Variants in FAT3 observed in about 807,000 individuals in gnomAD.
FAT3 encodes the protein FAT atypical cadherin 3, also known as protocadherin Fat 3.
Under a neutral mutation model 310.2 loss-of-function variants are expected in FAT3, and 95 were observed. The observed-to-expected ratio is 0.31, with a 90% CI of 0.26 to 0.36. The LOEUF (loss-of-function observed/expected upper bound fraction) is 0.36, where lower values mean the gene tolerates loss of function less well. FAT3 is among the 10% of genes least tolerant of loss of function. The probability of loss-of-function intolerance (pLI) is 1.00; values close to 1 mark genes in which losing one functional copy is unlikely to be tolerated. For synonymous variants in FAT3, 2,314 were observed against 2,192.9 expected (o/e 1.06, Z -1.54); for missense variants, 5,408 against 5,715.6 (o/e 0.95, Z 1.74).
At chr11:92,334,851 A>G (rs1198008172) in intron 1 of FAT3, among the ~76,000 whole-genome samples, 1 of 152,172 alleles carries the variant, frequency 6.6e-6, no homozygotes, top group East Asian at 1.9e-4. Flanking sequence ...GCTGACTCAG[A>G]TAAGAATTGG....
intron 1 of FAT3, among the ~76,000 whole-genome samples, chr11:92,343,323 AT>A (rs34180558): frequency 0.37 from 55,445 of 151,512 alleles, 14,864 homozygotes; most frequent in African/African-American, 0.76. Context: ...TTGGTTAGGG[AT>A]TTTTTTTTCC....
At chr11:92,372,421 G>A (rs1434465824) in intron 2 of FAT3, among the ~76,000 whole-genome samples, 1 of 151,582 alleles carries the variant, frequency 6.6e-6, no homozygotes, top group Non-Finnish European at 1.5e-5. Flanking sequence ...ATGCACTTTG[G>A]AAAGATTTTT....
At chr11:92,863,559 A>G (rs898440601) in intron 21 of FAT3, among the ~76,000 whole-genome samples, 1 of 152,222 alleles carries the variant, frequency 6.6e-6, no homozygotes, top group African/African-American at 2.4e-5. Context: ...TCAATTATGT[A>G]TTTCATTGAA....
chr11:92,876,095 C>A (rs1441992132), intron 22 of FAT3, among the ~76,000 whole-genome samples: 1 of 152,122 alleles, frequency 6.6e-6, no homozygotes, highest in Non-Finnish European at 1.5e-5. Flanking sequence ...AAGAAACTGT[C>A]AGAGGCTTGC....
At chr11:92,398,241 C>T (rs542341557) in intron 2 of FAT3, among the ~76,000 whole-genome samples, 19 of 152,206 alleles carry the variant, frequency 1.2e-4, no homozygotes, top group African/African-American at 4.3e-4. Context: ...CTTTTCACAC[C>T]TGTAATCCAA....
chr11:92,524,493 CATCTT>C (rs1953785875), intron 2 of FAT3, 136 bp from the exon 3 acceptor site: 6 of 674,922 alleles, frequency 8.9e-6, no homozygotes, highest in Non-Finnish European at 1.5e-5. Flanking sequence ...TAAAGAGTGA[CATCTT>C]AATTTAACCT....
At chr11:92,731,826 T>G (rs1945191412) in intron 4 of FAT3, among the ~76,000 whole-genome samples, 1 of 152,230 alleles carries the variant, frequency 6.6e-6, no homozygotes, top group Non-Finnish European at 1.5e-5. Flanking sequence ...TTTTTCTTTT[T>G]TAATAATTTA....
At chr11:92,840,484 T>G in intron 17 of FAT3, 78 bp from the exon 18 acceptor site, 2 of 1,271,532 alleles carry the variant, frequency 1.6e-6, no homozygotes, top group Non-Finnish European at 2.1e-6. Flanking sequence ...TATTTTTGAT[T>G]TGTTTTGTTT....
In FAT3 at chr11:92,800,621, C is replaced by G. The variant is rs781360009; in HGVS notation, c.7608C>G (p.Ile2536Met). 1.2e-6 allele frequency: 2 copies of G among 1,613,700 alleles called. No individual in the cohort carries two copies. The highest frequency in any genetic ancestry group is 1.1e-5 in the South Asian group (1 of 91,016). The change falls in exon 10 of 28, where the codon ATC (isoleucine) becomes ATG (methionine). Residue 2536 changes from isoleucine to methionine, a missense_variant. Physicochemically the swap from Ile to Met is conservative, Grantham distance 10. Transcript: ENST00000525166. ...ATGGGCAGATCAGCTATGCCATCATCAATGACTTTGCCAAGGATCGATTCC... is the reference window on the plus strand; with the variant it reads ...ATGGGCAGATCAGCTATGCCATCATGAATGACTTTGCCAAGGATCGATTCC... ...GTYGQISYAI[I>M]NDFAKDRFLI...
intron 2 of FAT3, among the ~76,000 whole-genome samples, chr11:92,495,397 G>A (rs556870124): frequency 6.6e-6 from 1 of 152,190 alleles, no homozygotes; most frequent in Admixed American, 6.5e-5. Context: ...GCAACAATTT[G>A]TGTACAATGA....
At chr11:92,275,498 A>G (rs1565195061) in intron 1 of FAT3, among the ~76,000 whole-genome samples, 2 of 151,728 alleles carry the variant, frequency 1.3e-5, no homozygotes, top group Non-Finnish European at 2.9e-5. Flanking sequence ...TCTTATTTCC[A>G]TGACTTGATT....
chr11:92,469,361 G>T (rs1039366589), intron 2 of FAT3, among the ~76,000 whole-genome samples: 1 of 152,066 alleles, frequency 6.6e-6, no homozygotes. Context: ...AAGCTGATTC[G>T]CCATCTGTCT....
intron 19 of FAT3, among the ~76,000 whole-genome samples, chr11:92,857,011 G>A (rs958776974): frequency 6.6e-6 from 1 of 152,194 alleles, no homozygotes; most frequent in East Asian, 1.9e-4. Flanking sequence ...GGCAGATGTA[G>A]GGAAATTGGA....
intron 1 of FAT3, among the ~76,000 whole-genome samples, chr11:92,345,800 A>T (rs1941442): frequency 1 from 150,751 of 151,006 alleles, 75,248 homozygotes; most frequent in Middle Eastern, 1. Context: ...TTAGCTTTCT[A>T]ATAGGCAAGC....
chr11:92,771,355 G>A (rs1004659967), intron 6 of FAT3, among the ~76,000 whole-genome samples: 2 of 152,116 alleles, frequency 1.3e-5, no homozygotes, highest in African/African-American at 2.4e-5. Flanking sequence ...GGCTAAAAGG[G>A]AGCCTGAAAA....
intron 3 of FAT3, among the ~76,000 whole-genome samples, chr11:92,622,449 A>G (rs895233231): frequency 6.6e-6 from 1 of 152,196 alleles, no homozygotes; most frequent in Non-Finnish European, 1.5e-5. Context: ...AGTGCATACA[A>G]TACTGTGTTT....
rs148488592 is a variant in FAT3 at position 92,741,052 on chromosome 11, T to TA, written c.3670-20804_3670-20803insA. ...GAGAACTCAGAAAGATATATATATATTTTTTTGAGACAGAGTCTCACTCTG... is the reference window on the plus strand; with the variant it reads ...GAGAACTCAGAAAGATATATATATATATTTTTTGAGACAGAGTCTCACTCTG... On this transcript the variant is annotated intron_variant, in intron 4 of 27. Transcript: ENST00000525166. Among the ~76,000 whole-genome samples, 1,443 of 152,158 alleles carry TA rather than the reference T, an allele frequency of 9.5e-3. 24 individuals are homozygous for TA. The highest frequency in any genetic ancestry group is 0.032 in the African/African-American group (1,326 of 41,514).
chr11:92,594,579 T>C (rs1467432187), intron 3 of FAT3, among the ~76,000 whole-genome samples: 2 of 152,196 alleles, frequency 1.3e-5, no homozygotes, highest in Non-Finnish European at 2.9e-5. Context: ...TGCTAGACTT[T>C]TATTGAACAC....
chr11:92,434,006 A>G (rs1396202714), intron 2 of FAT3, among the ~76,000 whole-genome samples: 10 of 113,418 alleles, frequency 8.8e-5, no homozygotes, highest in African/African-American at 2.9e-4. Context: ...ACAGAGGGAG[A>G]CTCAGTCTCA....
Sources: gnomAD v4.1 joint callset for allele counts (sites outside exome capture counted in the v4.1 genomes callset) on GRCh38, gnomAD v4.1.1 for gene constraint, MANE v1.5 for transcripts, NCBI Gene and HGNC (gene_info 2026-07-23, HGNC 2026-07-21) for gene names.